The following DEDD variants were observed in gnomAD, a reference collection of about 807,000 sequenced individuals.
The protein encoded by DEDD is death effector domain-containing protein.
DEDD carries 3 observed loss-of-function variants against 29.2 expected under a neutral mutation model. That is an observed-to-expected ratio of 0.10 (90% CI 0.05 to 0.27). The LOEUF is 0.27. Ranked by LOEUF, DEDD falls within the 10% of genes least tolerant of loss-of-function variation. The probability of loss-of-function intolerance (pLI) is 1.00; values close to 1 mark genes in which losing one functional copy is unlikely to be tolerated. For missense variants in DEDD, 261 were observed against 420.5 expected (o/e 0.62, Z 3.32); for synonymous variants, 152 against 161.3 (o/e 0.94, Z 0.44).
At chr1:161,132,513 G>C (rs946151732) in intron 1 of DEDD, 38 bp downstream of exon 1, 1 of 152,334 alleles carries the variant, frequency 6.6e-6, no homozygotes, top group Non-Finnish European at 1.5e-5. Context: ...CGTCCCGCTC[G>C]ACTCCCTCTC....
chr1:161,127,108 G>C (rs1231552471), intron 2 of DEDD, among the ~76,000 whole-genome samples: 1 of 152,178 alleles, frequency 6.6e-6, no homozygotes, highest in African/African-American at 2.4e-5. Context: ...GTAATGGACA[G>C]AGCCTCAAAT....
At chr1:161,123,635 CAA>C (rs35678373) in intron 4 of DEDD, among the ~76,000 whole-genome samples, 98 of 88,910 alleles carry the variant, frequency 1.1e-3, no homozygotes, top group Non-Finnish European at 1.7e-3. Flanking sequence ...GACTCTGTCT[CAA>C]AAAAAAAAAA....
chr1:161,123,032 C>G, intron 5 of DEDD, 43 bp downstream of exon 5: 4 of 1,614,180 alleles, frequency 2.5e-6, no homozygotes, highest in Non-Finnish European at 3.4e-6. Context: ...TTTATATTCT[C>G]CTTCAAGTCT....
chr1:161,127,603 T>C (rs902574400), intron 2 of DEDD, among the ~76,000 whole-genome samples: 103 of 152,294 alleles, frequency 6.8e-4, no homozygotes, highest in African/African-American at 2.4e-3. Flanking sequence ...AATCCATATA[T>C]AGTTTTGAGA....
chr1:161,124,034 A>G, intron 3 of DEDD, 88 bp from the exon 4 acceptor site: 1 of 1,581,294 alleles, frequency 6.3e-7, no homozygotes. Context: ...AACTTACTCT[A>G]AGTACTCCCC....
Position 161,122,526 on chromosome 1 carries a change from G to A in DEDD, c.581-3C>T, listed in dbSNP as rs181138903. 355 of 1,612,638 alleles carry A rather than the reference G, an allele frequency of 2.2e-4. 2 individuals carry two copies. The East Asian group carries it at 7.7e-3, about 35-fold the overall frequency. The stretch of plus-strand genomic sequence containing the variant: ...AGCCCGAACCCGCAGTCTGATGTCT[G>A]TTGGAAACAGAAGATACAGAGCAGA... On this transcript the variant is annotated splice_polypyrimidine_tract_variant and splice_region_variant and intron_variant, in intron 5 of 5. Coordinates refer to ENST00000368006, the MANE Select transcript of DEDD (RefSeq NM_032998.3). The surrounding 1 kb of genome is among the most constrained non-coding windows in gnomAD (Gnocchi z 4.2).
chr1:161,130,901 ATAAT>A (rs1448839915), intron 1 of DEDD, 54 bp from the exon 2 acceptor site: 1 of 152,216 alleles, frequency 6.6e-6, no homozygotes, highest in Non-Finnish European at 1.5e-5. Flanking sequence ...GGAGGGGAAA[ATAAT>A]TAATTTTCAA....
In DEDD at chr1:161,122,037, A is replaced by AC. The variant is rs1655556168; in HGVS notation, c.*109_*110insG. ...TGTCTTTTTCTTTAAAAAAAAAAAA[A>AC]AAAAGGCAGGGGTGTGATTGGTTGG... On this transcript the variant is annotated 3_prime_UTR_variant, in exon 6 of 6. Transcript: ENST00000368006. This position sits in a 1 kb window ranked among gnomAD's most constrained non-coding sequence, Gnocchi z 4.2. 2.1e-6 allele frequency: 3 copies of AC among 1,397,416 alleles called. No individual in the cohort carries two copies. Among genetic ancestry groups the AC allele is most frequent in the Non-Finnish European group, 2.9e-6 (3 of 1,047,244 alleles). The allele number at this position is 1,397,416 out of a possible 1,614,324, so 86.6% of individuals were successfully genotyped here.
At chr1:161,129,241 C>G (rs1363288461) in intron 2 of DEDD, among the ~76,000 whole-genome samples, 1 of 152,134 alleles carries the variant, frequency 6.6e-6, no homozygotes, top group African/African-American at 2.4e-5. Flanking sequence ...AGAGGCAGCC[C>G]TCTCCACTTA....
intron 1 of DEDD, chr1:161,131,067 C>T (rs1476536632): frequency 6.6e-6 from 1 of 152,184 alleles, no homozygotes; most frequent in Non-Finnish European, 1.5e-5. Context: ...ACAATACCAA[C>T]TCCAAGAATT....
chr1:161,127,436 G>C (rs1656290292), intron 2 of DEDD, among the ~76,000 whole-genome samples: 1 of 152,198 alleles, frequency 6.6e-6, no homozygotes, highest in South Asian at 2.1e-4. Context: ...AAAGCTGATA[G>C]AGAAAGCTGA....
chr1:161,123,982 C>T, intron 3 of DEDD, 36 bp from the exon 4 acceptor site: 1 of 1,608,124 alleles, frequency 6.2e-7, no homozygotes, highest in Non-Finnish European at 8.5e-7. Context: ...GGAAAATATA[C>T]ACCCTTCCCT....
chr1:161,126,826 C>G (rs1405481540), intron 2 of DEDD, among the ~76,000 whole-genome samples: 1 of 152,118 alleles, frequency 6.6e-6, no homozygotes, highest in Non-Finnish European at 1.5e-5. Context: ...GCCCCTCTCC[C>G]TTCTCTATTC....
intron 2 of DEDD, among the ~76,000 whole-genome samples, chr1:161,130,545 AT>A (rs200676322): frequency 2.4e-4 from 37 of 151,586 alleles, no homozygotes; most frequent in East Asian, 3.9e-4. Context: ...AAAAAAAAAA[AT>A]GTTTCAGAGC....
rs757983949 is a variant in DEDD at position 161,124,381 on chromosome 1, G to A, written c.82C>T (p.Arg28Cys). 6.2e-6 allele frequency: 10 copies of A among 1,613,960 alleles called. No homozygotes were observed. The highest frequency in any genetic ancestry group is 5.5e-5 in the South Asian group (5 of 91,090). The change falls in exon 3 of 6, where the codon CGC (arginine) becomes TGC (cysteine). Residue 28 changes from arginine to cysteine, a missense_variant. Arg to Cys is a radical substitution (Grantham distance 180, BLOSUM62 -3). Around this residue, in one of 2 missense-constraint regions of DEDD, gnomAD observed 203 missense variants for 268.7 expected, o/e 0.76. Transcript: ENST00000368006. ...TGAGTGCCCACGATGTCAAACATGCGGTGCAGGCTGTACAGCCCATGTTCC... is the reference window on the plus strand; with the variant it reads ...TGAGTGCCCACGATGTCAAACATGCAGTGCAGGCTGTACAGCCCATGTTCC... ...EQEHGLYSLH[R>C]MFDIVGTHLT... is the part of the protein sequence containing the mutation.
Position 161,121,230 on chromosome 1 carries a change from G to GAA in DEDD, c.*916_*917insTT. On this transcript the variant is annotated 3_prime_UTR_variant, in exon 6 of 6. Coordinates refer to ENST00000368006, the MANE Select transcript of DEDD (RefSeq NM_032998.3). ...CAGCCCCATTCTCCCAAGCATGGGAGTGGGCGTAGGAGTGGAGGAGGGGGA... is the reference window on the plus strand; with the variant it reads ...CAGCCCCATTCTCCCAAGCATGGGAGAATGGGCGTAGGAGTGGAGGAGGGGGA... 2.1e-6 allele frequency: 2 copies of GAA among 974,422 alleles called. No individual in the cohort carries two copies. The highest frequency in any genetic ancestry group is 2.5e-6 in the Non-Finnish European group (2 of 815,570). The allele number at this position is 974,422 out of a possible 1,614,324, so 60.4% of individuals were successfully genotyped here.
At chr1:161,124,636 C>T in intron 2 of DEDD, 110 bp from the exon 3 acceptor site, 3 of 1,312,244 alleles carry the variant, frequency 2.3e-6, no homozygotes, top group Non-Finnish European at 3.0e-6. Context: ...GTGCTTTATA[C>T]ATGTTTATTA....
chr1:161,122,411 C>T lies in DEDD; in HGVS notation c.693G>A (p.Gln231=). 1 of 1,614,170 alleles carries T rather than the reference C, an allele frequency of 6.2e-7. No homozygotes were observed. Residue 231 remains glutamine, a synonymous_variant, in exon 6 of 6, where the codon CAG becomes CAA. Transcript: ENST00000368006. This position sits in a 1 kb window ranked among gnomAD's most constrained non-coding sequence, Gnocchi z 4.2. ...PLERQFERFN[Q]ANTILKSRDL... is the part of the protein sequence containing the mutation. Reference sequence around the variant, plus strand: ...CCCGGGACTTGAGGATGGTGTTGGCCTGGTTAAAGCGCTCAAACTGGCGCT... The same window carrying T: ...CCCGGGACTTGAGGATGGTGTTGGCTTGGTTAAAGCGCTCAAACTGGCGCT...
Position 161,122,120 on chromosome 1 carries a change from G to C in DEDD, c.*27C>G. 2 of 1,609,342 alleles carry C rather than the reference G, an allele frequency of 1.2e-6. No individual in the cohort carries two copies. The highest frequency in any genetic ancestry group is 1.1e-5 in the South Asian group (1 of 90,768). On this transcript the variant is annotated 3_prime_UTR_variant, in exon 6 of 6. Transcript: ENST00000368006. This position sits in a 1 kb window ranked among gnomAD's most constrained non-coding sequence, Gnocchi z 4.2. ...GCTCCAGAGGTGGGTGATGGGAACAGTCCCCAAAGTGAGAAGAGGGAATAG... is the reference window on the plus strand; with the variant it reads ...GCTCCAGAGGTGGGTGATGGGAACACTCCCCAAAGTGAGAAGAGGGAATAG...
Sources: allele counts gnomAD v4.1 joint callset (sites outside exome capture counted in the v4.1 genomes callset), GRCh38; gene constraint gnomAD v4.1.1; regional missense constraint gnomAD v4.1.1; non-coding constraint Gnocchi (gnomAD v3.1); transcripts MANE v1.5; gene names NCBI Gene and HGNC (gene_info 2026-07-23, HGNC 2026-07-21).